ZNF18: variants seen among roughly 807,000 people sequenced by gnomAD.
The protein encoded by ZNF18 is heart development-specific gene 1 protein.
ZNF18 carries 42 observed loss-of-function variants against 58.1 expected under a neutral mutation model. The observed-to-expected ratio is 0.72, with a 90% confidence interval of 0.56 to 0.93. The LOEUF (loss-of-function observed/expected upper bound fraction) is 0.93, where lower values mean the gene tolerates loss of function less well. Among genes scored for constraint, ZNF18 ranks in the 40% least tolerant of loss-of-function variants. The pLI, the probability that ZNF18 is intolerant of heterozygous loss-of-function variation, is 0.00. For synonymous variants in ZNF18, 231 were observed against 239.8 expected, an observed-to-expected ratio of 0.96 and a Z score of 0.34; for missense variants, 540 against 644.2, an observed-to-expected ratio of 0.84 and a Z score of 1.75.
At chr17:11,997,649 C>G (rs1399057373), upstream of ZNF18, 1 of 152,288 alleles carries the variant, frequency 6.6e-6, no homozygotes. Context: ...CGAGCCAACG[C>G]CATCCTCCGT....
the ZNF18 span, among the ~76,000 whole-genome samples, chr17:12,015,742 C>G: frequency 6.6e-6 from 1 of 152,016 alleles, no homozygotes; most frequent in African/African-American, 2.4e-5. Context: ...GCATTATGTC[C>G]TGTTAAATAC....
chr17:11,988,208 G>A (rs1967875835), intron 4 of ZNF18, among the ~76,000 whole-genome samples: 1 of 152,142 alleles, frequency 6.6e-6, no homozygotes, highest in Non-Finnish European at 1.5e-5. Flanking sequence ...AACTAAAAAT[G>A]GGACAAAATG....
At chr17:12,017,000 A>G in the ZNF18 span, among the ~76,000 whole-genome samples, 29 of 151,994 alleles carry the variant, frequency 1.9e-4, no homozygotes, top group Non-Finnish European at 3.7e-4. Context: ...AGTTCAAGAC[A>G]AGCCTGGGCA....
chr17:11,998,001 C>T (rs940734133), upstream of ZNF18, among the ~76,000 whole-genome samples: 1 of 152,128 alleles, frequency 6.6e-6, no homozygotes, highest in Non-Finnish European at 1.5e-5. Context: ...CTCCCCATTC[C>T]GTTGGGGCTA....
chr17:11,994,890 T>C (rs1303366777), intron 1 of ZNF18, among the ~76,000 whole-genome samples: 1 of 152,090 alleles, frequency 6.6e-6, no homozygotes, highest in Non-Finnish European at 1.5e-5. Flanking sequence ...ACATTTACTA[T>C]TCACTAAGTG....
the ZNF18 span, among the ~76,000 whole-genome samples, chr17:12,006,870 GAATTT>G: frequency 3.3e-5 from 5 of 152,054 alleles, no homozygotes; most frequent in African/African-American, 1.2e-4. Flanking sequence ...TCAACTAAAT[GAATTT>G]AATTATGTAA....
the ZNF18 span, among the ~76,000 whole-genome samples, chr17:12,005,488 CA>C: frequency 6.6e-6 from 1 of 152,104 alleles, no homozygotes; most frequent in Non-Finnish European, 1.5e-5. Context: ...CACATTTCAT[CA>C]AAATTTTTTG....
the ZNF18 span, among the ~76,000 whole-genome samples, chr17:12,017,791 C>G: frequency 6.6e-6 from 1 of 151,810 alleles, no homozygotes; most frequent in African/African-American, 2.4e-5. Flanking sequence ...GCAGGAGAAT[C>G]ACTTGTGCCC....
chr17:12,000,079 C>T (rs1968629825), upstream of ZNF18, among the ~76,000 whole-genome samples: 1 of 152,106 alleles, frequency 6.6e-6, no homozygotes, highest in African/African-American at 2.4e-5. Flanking sequence ...TGCCACCGTG[C>T]CCAGCTACTT....
At chr17:11,983,512 G>T in intron 5 of ZNF18, 105 bp from the exon 6 acceptor site, 1 of 820,786 alleles carries the variant, frequency 1.2e-6, no homozygotes, top group Non-Finnish European at 2.0e-6. Context: ...AAATATGAAG[G>T]CTCTGGACAC....
chr17:12,007,535 C>A, the ZNF18 span, among the ~76,000 whole-genome samples: 1 of 152,192 alleles, frequency 6.6e-6, no homozygotes, highest in East Asian at 1.9e-4. Flanking sequence ...TGACTCCTTG[C>A]TGGACTGATG....
intron 6 of ZNF18, among the ~76,000 whole-genome samples, chr17:11,979,483 G>C (rs1967203119): frequency 6.6e-6 from 1 of 152,154 alleles, no homozygotes; most frequent in South Asian, 2.1e-4. Context: ...ATCTGTGCTT[G>C]AATCTAGTAT....
chr17:11,978,298 G>A lies in ZNF18; in HGVS notation c.1309C>T (p.Gln437Ter). 6.2e-7 allele frequency: 1 copy of A among 1,605,010 alleles called. No homozygotes were observed. The highest frequency in any genetic ancestry group is 1.1e-5 in the South Asian group (1 of 90,020). ...QRTHTGETYFQCTICKKAFLR... is the reference protein window; with the variant it reads ...QRTHTGETYF ...AAGGCTTTTTTGCAGATGGTGCACT[G>A]AAAGTATGTCTCTCCGGTGTGAGTT... is the stretch of plus-strand genomic sequence containing the variant. Residue 437 changes from glutamine to a stop codon, truncating the protein, a stop_gained, in exon 7 of 7, where the codon CAG (glutamine) becomes TAG (stop). Transcript: ENST00000580306. LOFTEE classifies it high-confidence loss of function.
chr17:12,015,801 T>C, the ZNF18 span, among the ~76,000 whole-genome samples: 1 of 152,196 alleles, frequency 6.6e-6, no homozygotes, highest in African/African-American at 2.4e-5. Flanking sequence ...ATTCCTTTTT[T>C]TTTTTGAGAC....
Position 11,992,620 on chromosome 17 carries a change from T to C in ZNF18, c.210A>G (p.Leu70=), listed in dbSNP as rs747165739. The C allele has an allele frequency of 5.6e-6, 9 of 1,614,124 alleles. No homozygotes were observed. The highest frequency in any genetic ancestry group is 1.7e-5 in the Admixed American group (1 of 60,012). The change falls in exon 2 of 7, where the codon CTA becomes CTG. Residue 70 remains leucine, a synonymous_variant. Transcript: ENST00000580306. ...GCTCTTTGGTGTGAACCTCTGGCTG[T>C]AGCCACTGGAAACAGAGCTTCCGAA... ...KQLRKLCFQW[L]QPEVHTKEQI...
the ZNF18 span, among the ~76,000 whole-genome samples, chr17:12,005,575 G>A: frequency 3.9e-5 from 6 of 152,040 alleles, no homozygotes; most frequent in Non-Finnish European, 8.8e-5. Context: ...TATCCATTTG[G>A]AGGTTTGGGG....
chr17:11,998,902 G>A (rs913538667), upstream of ZNF18, among the ~76,000 whole-genome samples: 2 of 143,242 alleles, frequency 1.4e-5, no homozygotes, highest in African/African-American at 2.7e-5. Flanking sequence ...TCTCGAACTC[G>A]TGACCTCAAG....
At chr17:11,980,100 T>C (rs1419899178) in intron 6 of ZNF18, among the ~76,000 whole-genome samples, 5 of 152,186 alleles carry the variant, frequency 3.3e-5, no homozygotes, top group Admixed American at 2.6e-4. Flanking sequence ...ATTAAGGCTC[T>C]TGACACCTAC....
At chr17:11,989,883 C>T (rs1017468922) in intron 4 of ZNF18, among the ~76,000 whole-genome samples, 1 of 151,934 alleles carries the variant, frequency 6.6e-6, no homozygotes, top group Non-Finnish European at 1.5e-5. Context: ...GATTAATGAA[C>T]TTTAAGACAT....
Sources: allele counts gnomAD v4.1 joint callset (sites outside exome capture counted in the v4.1 genomes callset), GRCh38; gene constraint gnomAD v4.1.1; transcripts MANE v1.5; gene names NCBI Gene and HGNC (gene_info 2026-07-23, HGNC 2026-07-21).